SRFBP1: variants seen among roughly 807,000 people sequenced by gnomAD.
The protein encoded by SRFBP1 is serum response factor-binding protein 1.
A neutral mutation model predicts 45.5 loss-of-function variants in SRFBP1; 47 were observed. The observed-to-expected ratio is 1.03, with a 90% CI of 0.82 to 1.32. The LOEUF is 1.32. Among genes scored for constraint, SRFBP1 ranks in the 40% most tolerant of loss-of-function variants. SRFBP1 has a pLI of 0.00. For missense variants in SRFBP1, 621 were observed against 484.6 expected, an observed-to-expected ratio of 1.28 and a Z score of -2.64; for synonymous variants, 203 against 166.3, an observed-to-expected ratio of 1.22 and a Z score of -1.70.
At chr5:121,962,573 T>G (rs1259604143) in intron 1 of SRFBP1, among the ~76,000 whole-genome samples, 1 of 152,188 alleles carries the variant, frequency 6.6e-6, no homozygotes, top group Admixed American at 6.5e-5. Flanking sequence ...GTCCTATTTC[T>G]TTGCTTCCGT....
intron 4 of SRFBP1, among the ~76,000 whole-genome samples, chr5:122,000,527 C>T (rs1257864427): frequency 6.6e-6 from 1 of 151,824 alleles, no homozygotes; most frequent in African/African-American, 2.4e-5. Flanking sequence ...TTTTGTTTGT[C>T]CTTTATTTTA....
Position 122,007,802 on chromosome 5 carries a change from G to A in SRFBP1, c.271-11458G>A, listed in dbSNP as rs1033288721. 3.9e-5 allele frequency among the ~76,000 whole-genome samples: 6 copies of A among 152,146 alleles called. No homozygotes were observed. The South Asian group carries it at 1.0e-3, about 26-fold the overall frequency. ...GCAGGTTTGGAGCCTGTCTCTGCACGTGCCTGCCTGGTGTTTGTGTCCAAG... is the reference window on the plus strand; with the variant it reads ...GCAGGTTTGGAGCCTGTCTCTGCACATGCCTGCCTGGTGTTTGTGTCCAAG... On this transcript the variant is annotated intron_variant, in intron 4 of 7. Coordinates refer to ENST00000339397, the MANE Select transcript of SRFBP1 (RefSeq NM_152546.3).
chr5:122,058,166 A>G (rs994029998), intron 2 of SRFBP1, among the ~76,000 whole-genome samples: 6 of 152,192 alleles, frequency 3.9e-5, no homozygotes, highest in Admixed American at 2.0e-4. Flanking sequence ...TATTATTTAA[A>G]TCATGATTTA....
chr5:122,059,574 A>G (rs527513908), intron 2 of SRFBP1, among the ~76,000 whole-genome samples: 22 of 152,176 alleles, frequency 1.4e-4, no homozygotes, highest in African/African-American at 5.3e-4. Flanking sequence ...GTAGCAAGAG[A>G]TAATATTGGG....
chr5:122,058,529 AGTGTGTGT>A (rs147926229), intron 2 of SRFBP1, among the ~76,000 whole-genome samples: 17,129 of 142,276 alleles, frequency 0.12, 1,021 homozygotes, highest in Non-Finnish European at 0.13. Context: ...ACAATGAGAT[AGTGTGTGT>A]GTGTGTGTGT....
intron 2 of SRFBP1, among the ~76,000 whole-genome samples, chr5:122,035,221 A>G (rs558264181): frequency 6.6e-6 from 1 of 152,126 alleles, no homozygotes; most frequent in South Asian, 2.1e-4. Flanking sequence ...TATCTTTCCT[A>G]CAGCAGCAGC....
chr5:122,032,422 A>G (rs541982944), downstream of SRFBP1, among the ~76,000 whole-genome samples: 1 of 147,556 alleles, frequency 6.8e-6, no homozygotes, highest in East Asian at 2.0e-4. Flanking sequence ...AATAAATCTC[A>G]TTAATCCCTG....
chr5:121,968,430 A>G (rs373924311), intron 1 of SRFBP1, among the ~76,000 whole-genome samples: 4 of 152,258 alleles, frequency 2.6e-5, no homozygotes, highest in South Asian at 4.1e-4. Flanking sequence ...AACCGCAGGT[A>G]ACTGAAACTG....
chr5:122,078,113 G>C (rs1754697282), downstream of SRFBP1: 1 of 863,588 alleles, frequency 1.2e-6, no homozygotes, highest in Non-Finnish European at 1.6e-6. Flanking sequence ...GGGTATCTCA[G>C]TCTCCACCAA....
At chr5:121,962,838 A>G (rs1400558787) in intron 1 of SRFBP1, among the ~76,000 whole-genome samples, 1 of 152,230 alleles carries the variant, frequency 6.6e-6, no homozygotes, top group Non-Finnish European at 1.5e-5. Context: ...TAGATACAGA[A>G]AGGAAATTCT....
At chr5:121,967,604 C>T (rs777789991) in intron 1 of SRFBP1, among the ~76,000 whole-genome samples, 17 of 152,036 alleles carry the variant, frequency 1.1e-4, no homozygotes, top group Non-Finnish European at 2.4e-4. Flanking sequence ...AGGCTGAGGC[C>T]GGCAGATCAC....
rs1166482651 is a variant in SRFBP1, at chr5:122,001,546, C to CTTTTT, written c.270+6898_270+6902dup. ...AAGAAGCCAAGTCATCCTTTGGTATCTTTTTTTTTTTTTTTTTTTTTTTTT... is the reference window on the plus strand; with the variant it reads ...AAGAAGCCAAGTCATCCTTTGGTATCTTTTTTTTTTTTTTTTTTTTTTTTTTTTTT... On this transcript the variant is annotated intron_variant, in intron 4 of 7. Coordinates refer to ENST00000339397, the MANE Select transcript of SRFBP1 (RefSeq NM_152546.3). Among the ~76,000 whole-genome samples the CTTTTT allele has an allele frequency of 2.0e-4, 21 of 104,888 alleles. 2 individuals are homozygous for CTTTTT. Among genetic ancestry groups the CTTTTT allele is most frequent in the African/African-American group, 5.3e-4 (14 of 26,518 alleles). The allele number at this position is 104,888 out of a possible 152,430, so 68.8% of individuals were successfully genotyped here.
intron 2 of SRFBP1, among the ~76,000 whole-genome samples, chr5:122,074,656 A>G (rs1422933332): frequency 6.6e-6 from 1 of 152,210 alleles, no homozygotes; most frequent in African/African-American, 2.4e-5. Flanking sequence ...ATCCACCATT[A>G]TTATTTAAAT....
chr5:122,020,831 T>A, intron 6 of SRFBP1, 29 bp downstream of exon 6: 1 of 1,487,940 alleles, frequency 6.7e-7, no homozygotes, highest in East Asian at 2.4e-5. Context: ...TCTGAAATAA[T>A]CATTAGTTCT....
Position 121,975,372 on chromosome 5 carries a change from A to T in SRFBP1, c.183A>T (p.Glu61Asp). The change falls in exon 3 of 8, where the codon GAA (glutamate) becomes GAT (aspartate). Residue 61 changes from glutamate (E) to aspartate (D), a missense_variant. Glu to Asp is a conservative substitution (Grantham distance 45). Transcript: ENST00000339397. ...GACGGGCGCAAAGATTGCTTGAAGA[A>T]ATCCATGCCATGAAGGTAAGGACTT... ...NQRRAQRLLE[E>D]IHAMKELKPD... The T allele has an allele frequency of 1.2e-6, 2 of 1,613,318 alleles. No homozygotes were observed. The highest frequency in any genetic ancestry group is 1.7e-6 in the Non-Finnish European group (2 of 1,179,394).
At position 122,027,312 on chromosome 5, in the gene SRFBP1, A is replaced by G. The variant is rs924115093; in HGVS notation, c.*186A>G. 64 of 446,554 alleles carry G rather than the reference A, an allele frequency of 1.4e-4. No homozygotes were observed. Among genetic ancestry groups the G allele is most frequent in the African/African-American group, 1.2e-3 (57 of 49,520 alleles). 27.7% of individuals were successfully genotyped at this position (446,554 alleles called of 1,614,324 possible). A position where few individuals can be genotyped will look rare whatever the true frequency, so the allele number is the denominator to read the frequency against. On this transcript the variant is annotated 3_prime_UTR_variant, in exon 8 of 8. Coordinates refer to ENST00000339397, the MANE Select transcript of SRFBP1 (RefSeq NM_152546.3). Reference sequence around the variant, plus strand: ...AAGGGCTGGGACTGCAGGTGCATGCACTACCATGCCCAGCTTTCTCACCCC... The same window carrying G: ...AAGGGCTGGGACTGCAGGTGCATGCGCTACCATGCCCAGCTTTCTCACCCC...
At chr5:122,047,424 G>T (rs923915833) in intron 2 of SRFBP1, among the ~76,000 whole-genome samples, 2 of 152,186 alleles carry the variant, frequency 1.3e-5, no homozygotes, top group African/African-American at 4.8e-5. Flanking sequence ...TTTGGTACCA[G>T]TACCATGCTG....
At chr5:122,078,125 C>T, downstream of SRFBP1, 1 of 741,702 alleles carries the variant, frequency 1.3e-6, no homozygotes, top group Non-Finnish European at 2.0e-6. Context: ...CTCCACCAAG[C>T]AATGCCAAGG....
intron 1 of SRFBP1, among the ~76,000 whole-genome samples, chr5:121,966,946 A>ATTTTTTTTTTTTTT (rs34687337): frequency 5.2e-5 from 6 of 114,664 alleles, no homozygotes; most frequent in Non-Finnish European, 8.6e-5. Context: ...CGCCCAGCTA[A>ATTTTTTTTTTTTTT]TTTTTTTTTT....
Sources: gnomAD v4.1 joint callset for allele counts (sites outside exome capture counted in the v4.1 genomes callset) on GRCh38, gnomAD v4.1.1 for gene constraint, MANE v1.5 for transcripts, NCBI Gene and HGNC (gene_info 2026-07-23, HGNC 2026-07-21) for gene names.